Variants in LRRTM4 observed in about 807,000 individuals in gnomAD.
LRRTM4 encodes the protein leucine-rich repeat transmembrane neuronal protein 4.
Under a neutral mutation model 47.6 loss-of-function variants are expected in LRRTM4, and 25 were observed. That is an observed-to-expected ratio of 0.53 (90% CI 0.38 to 0.73). The LOEUF is 0.73. Among genes scored for constraint, LRRTM4 ranks in the 30% least tolerant of loss-of-function variants. The probability of loss-of-function intolerance (pLI) is 0.00; values close to 1 mark genes in which losing one functional copy is unlikely to be tolerated. For missense variants in LRRTM4, 638 were observed against 713.4 expected (o/e 0.89, Z 1.20); for synonymous variants, 311 against 269.5 (o/e 1.15, Z -1.51).
chr2:77,503,030 C>A (rs1678633449), intron 3 of LRRTM4, among the ~76,000 whole-genome samples: 1 of 150,534 alleles, frequency 6.6e-6, no homozygotes, highest in Non-Finnish European at 1.5e-5. Flanking sequence ...GAAGGCAGGG[C>A]CAGGTCATTC....
At chr2:77,429,820 C>A (rs946059469) in intron 3 of LRRTM4, among the ~76,000 whole-genome samples, 1 of 152,130 alleles carries the variant, frequency 6.6e-6, no homozygotes, top group Non-Finnish European at 1.5e-5. Flanking sequence ...AATCACAGCA[C>A]TTTGTGAGGC....
intron 3 of LRRTM4, among the ~76,000 whole-genome samples, chr2:77,205,471 TG>T (rs1202999425): frequency 6.6e-6 from 1 of 152,132 alleles, no homozygotes; most frequent in Non-Finnish European, 1.5e-5. Context: ...TACTAAGATC[TG>T]GGAGGATGTC....
intron 3 of LRRTM4, among the ~76,000 whole-genome samples, chr2:76,792,271 A>T (rs957163149): frequency 6.6e-6 from 1 of 152,098 alleles, no homozygotes; most frequent in Admixed American, 6.6e-5. Context: ...CATTAAAAAA[A>T]CCTTCACTGT....
intron 3 of LRRTM4, among the ~76,000 whole-genome samples, chr2:77,068,021 TAA>T (rs1236377701): frequency 6.6e-6 from 1 of 152,100 alleles, no homozygotes; most frequent in African/African-American, 2.4e-5. Context: ...AGGAATATAT[TAA>T]AAGTTATAAA....
intron 3 of LRRTM4, among the ~76,000 whole-genome samples, chr2:76,906,862 C>A (rs1308081399): frequency 1.3e-5 from 2 of 150,450 alleles, no homozygotes; most frequent in Non-Finnish European, 3.0e-5. Context: ...CCTGAGTGAC[C>A]TACAAAGAGA....
At chr2:77,117,305 AATAG>A (rs1451282687) in intron 3 of LRRTM4, among the ~76,000 whole-genome samples, 9 of 152,058 alleles carry the variant, frequency 5.9e-5, no homozygotes, top group South Asian at 2.1e-4. Flanking sequence ...ATTTTAGAAA[AATAG>A]ATAGCAAAAA....
intron 3 of LRRTM4, among the ~76,000 whole-genome samples, chr2:77,326,165 T>C (rs2104239386): frequency 6.6e-6 from 1 of 152,330 alleles, no homozygotes; most frequent in African/African-American, 2.4e-5. Context: ...TCATACCATT[T>C]TGTTCCATGA....
chr2:77,027,994 A>T, intron 3 of LRRTM4, among the ~76,000 whole-genome samples: 1 of 151,702 alleles, frequency 6.6e-6, no homozygotes, highest in East Asian at 1.9e-4. Flanking sequence ...AAAAAAAACT[A>T]CAAACTTGCA....
chr2:77,156,814 C>T (rs1048007618), intron 3 of LRRTM4, among the ~76,000 whole-genome samples: 23 of 151,356 alleles, frequency 1.5e-4, no homozygotes, highest in African/African-American at 5.3e-4. Context: ...CCACGCAATT[C>T]TGCCACCTCC....
At chr2:76,972,700 A>G (rs889261604) in intron 3 of LRRTM4, among the ~76,000 whole-genome samples, 6 of 151,980 alleles carry the variant, frequency 3.9e-5, no homozygotes, top group African/African-American at 1.4e-4. Flanking sequence ...GATTACAGGT[A>G]TGATCCACAA....
chr2:77,475,012 G>A (rs1485263821), intron 3 of LRRTM4, among the ~76,000 whole-genome samples: 1 of 152,096 alleles, frequency 6.6e-6, no homozygotes, highest in African/African-American at 2.4e-5. Flanking sequence ...TAAAGTGGGA[G>A]AAAGAAGGAA....
In LRRTM4 at chr2:76,883,941, C is replaced by T. The variant is rs1450737512; in HGVS notation, c.1552-135025G>A. Among the ~76,000 whole-genome samples, 6 of 151,952 alleles carry T rather than the reference C, an allele frequency of 3.9e-5. No individual in the cohort carries two copies. In the South Asian group the frequency reaches 1.0e-3, roughly 26 times the overall value. On this transcript the variant is annotated intron_variant, in intron 3 of 3. Transcript: ENST00000409884. ...TCAAATGATACTCCTGCCTCAGCCT[C>T]CCTGGAAGCTTAACTACAGGTGCAC...
chr2:76,875,004 A>G (rs1672739115), intron 3 of LRRTM4, among the ~76,000 whole-genome samples: 2 of 152,172 alleles, frequency 1.3e-5, no homozygotes, highest in South Asian at 4.1e-4. Context: ...ATGCCTGCCA[A>G]TATCTCTGAT....
chr2:77,217,759 A>G (rs1445896159), intron 3 of LRRTM4, among the ~76,000 whole-genome samples: 1 of 151,958 alleles, frequency 6.6e-6, no homozygotes, highest in Non-Finnish European at 1.5e-5. Flanking sequence ...CTTTTAGCAT[A>G]GTTTTTGCCA....
intron 3 of LRRTM4, among the ~76,000 whole-genome samples, chr2:77,018,889 A>G (rs1678168144): frequency 6.6e-6 from 1 of 152,158 alleles, no homozygotes; most frequent in African/African-American, 2.4e-5. Flanking sequence ...ATTTTAGTCT[A>G]ATTTTACAAT....
At chr2:77,400,504 A>G (rs1200412236) in intron 3 of LRRTM4, among the ~76,000 whole-genome samples, 1 of 151,874 alleles carries the variant, frequency 6.6e-6, no homozygotes, top group East Asian at 1.9e-4. Flanking sequence ...TGGATAACCA[A>G]GGGAGGATGC....
At chr2:76,961,204 T>C (rs1323635451) in intron 3 of LRRTM4, among the ~76,000 whole-genome samples, 1 of 151,512 alleles carries the variant, frequency 6.6e-6, no homozygotes, top group Non-Finnish European at 1.5e-5. Context: ...CATGTTTATC[T>C]GGTGTCACAT....
At chr2:76,811,400 G>A (rs1264313689) in intron 3 of LRRTM4, among the ~76,000 whole-genome samples, 1 of 152,198 alleles carries the variant, frequency 6.6e-6, no homozygotes, top group Admixed American at 6.5e-5. Flanking sequence ...TTTTGAAGAG[G>A]AAAGTGTGAG....
At chr2:76,768,919 G>A (rs940862067) in intron 3 of LRRTM4, among the ~76,000 whole-genome samples, 8 of 152,126 alleles carry the variant, frequency 5.3e-5, no homozygotes, top group African/African-American at 1.9e-4. Context: ...ATGCTATATT[G>A]AAATTCACAT....
Sources: gnomAD v4.1 joint callset for allele counts (sites outside exome capture counted in the v4.1 genomes callset) on GRCh38, gnomAD v4.1.1 for gene constraint, MANE v1.5 for transcripts, NCBI Gene and HGNC (gene_info 2026-07-23, HGNC 2026-07-21) for gene names.